The following SRBD1 variants were observed in gnomAD, a reference collection of about 807,000 sequenced individuals.
SRBD1 encodes the protein S1 RNA binding domain 1, also known as S1 RNA-binding domain-containing protein 1.
Under a neutral mutation model 115.3 loss-of-function variants are expected in SRBD1, and 88 were observed. The ratio of observed to expected loss-of-function variants is 0.76; its 90% CI spans 0.64 to 0.91. The LOEUF (loss-of-function observed/expected upper bound fraction) is 0.91. SRBD1 is among the 40% of genes least tolerant of loss of function. The pLI is 0.00. For synonymous variants in SRBD1, 509 were observed against 407.7 expected (o/e 1.25, Z -2.99); for missense variants, 1,385 against 1,177.4 (o/e 1.18, Z -2.58).
chr2:45,503,648 A>G (rs369427462), intron 14 of SRBD1, among the ~76,000 whole-genome samples: 4 of 152,236 alleles, frequency 2.6e-5, no homozygotes, highest in Admixed American at 6.5e-5. Context: ...GACGGCAGCT[A>G]AAGTTCAAAT....
At chr2:45,530,816 C>G (rs1044846497) in intron 14 of SRBD1, among the ~76,000 whole-genome samples, 11 of 151,976 alleles carry the variant, frequency 7.2e-5, no homozygotes, top group African/African-American at 2.4e-4. Context: ...TCTACTTTGC[C>G]TATGTCAACA....
chr2:45,537,478 A>C (rs56352438), intron 14 of SRBD1, among the ~76,000 whole-genome samples: 78,384 of 151,926 alleles, frequency 0.52, 20,663 homozygotes, highest in African/African-American at 0.55. Context: ...CTGTGCCTGT[A>C]ACATAGTCTT....
At chr2:45,536,765 T>C (rs1572747209) in intron 14 of SRBD1, among the ~76,000 whole-genome samples, 1 of 152,160 alleles carries the variant, frequency 6.6e-6, no homozygotes, top group East Asian at 1.9e-4. Flanking sequence ...CTTCAGAGGA[T>C]CTTTTGCAAT....
At chr2:45,414,468 GTATA>G (rs760326980) in intron 18 of SRBD1, among the ~76,000 whole-genome samples, 2 of 145,184 alleles carry the variant, frequency 1.4e-5, no homozygotes, top group Non-Finnish European at 1.5e-5. Flanking sequence ...TGTATAGTGT[GTATA>G]TAGTGTGTGT....
chr2:45,609,467 T>C (rs1209249904), intron 1 of SRBD1, among the ~76,000 whole-genome samples: 1 of 152,194 alleles, frequency 6.6e-6, no homozygotes, highest in Non-Finnish European at 1.5e-5. Flanking sequence ...TCTCCACTTA[T>C]CAACTCAAGA....
chr2:45,608,964 C>T (rs1048082031), intron 1 of SRBD1, among the ~76,000 whole-genome samples: 1 of 152,160 alleles, frequency 6.6e-6, no homozygotes, highest in South Asian at 2.1e-4. Flanking sequence ...TGTACCACCA[C>T]ACCCAGCTAA....
chr2:45,407,447 G>T (rs1363352112), intron 19 of SRBD1, among the ~76,000 whole-genome samples: 2 of 152,010 alleles, frequency 1.3e-5, no homozygotes, highest in African/African-American at 4.8e-5. Flanking sequence ...CTTCACAAAG[G>T]GTACTTTCTA....
At chr2:45,496,380 G>A (rs1429736223) in intron 14 of SRBD1, among the ~76,000 whole-genome samples, 1 of 151,046 alleles carries the variant, frequency 6.6e-6, no homozygotes, top group Non-Finnish European at 1.5e-5. Flanking sequence ...CAATAATACT[G>A]ACTATTAAAA....
At chr2:45,493,251 C>T (rs1486167118) in intron 14 of SRBD1, among the ~76,000 whole-genome samples, 1 of 152,100 alleles carries the variant, frequency 6.6e-6, no homozygotes, top group Non-Finnish European at 1.5e-5. Context: ...TAATACAAAG[C>T]ACTAAAAACA....
At chr2:45,428,483 G>A (rs1028823666) in intron 16 of SRBD1, among the ~76,000 whole-genome samples, 30 of 152,010 alleles carry the variant, frequency 2.0e-4, no homozygotes, top group African/African-American at 4.1e-4. Context: ...CCCGGGAGGC[G>A]GAGCTTGCAG....
intron 16 of SRBD1, among the ~76,000 whole-genome samples, chr2:45,434,802 G>C (rs1323703579): frequency 6.7e-6 from 1 of 150,034 alleles, no homozygotes; most frequent in Non-Finnish European, 1.5e-5. Context: ...TTAAGTTCTT[G>C]GGCACATGTG....
chr2:45,550,720 T>C (rs1672269191), intron 12 of SRBD1, among the ~76,000 whole-genome samples: 1 of 152,098 alleles, frequency 6.6e-6, no homozygotes, highest in African/African-American at 2.4e-5. Context: ...AAATGAAGAA[T>C]ATCAGTGTAA....
chr2:45,451,888 A>C (rs755117593), intron 16 of SRBD1, among the ~76,000 whole-genome samples: 2 of 151,698 alleles, frequency 1.3e-5, no homozygotes, highest in Non-Finnish European at 2.9e-5. Flanking sequence ...TCTTTTACAT[A>C]AATGAGAGGT....
At chr2:45,470,619 A>T (rs1391302882) in intron 16 of SRBD1, among the ~76,000 whole-genome samples, 1 of 152,184 alleles carries the variant, frequency 6.6e-6, no homozygotes, top group Non-Finnish European at 1.5e-5. Flanking sequence ...AATCCAATGT[A>T]TTTAAGTTGA....
chr2:45,488,197 A>T (rs921292410), intron 15 of SRBD1, 43 bp downstream of exon 15: 2 of 1,562,372 alleles, frequency 1.3e-6, no homozygotes, highest in Non-Finnish European at 8.8e-7. Flanking sequence ...GCTGCCCAAA[A>T]TATCAAAATC....
At chr2:45,525,607 T>C (rs770145356) in intron 14 of SRBD1, among the ~76,000 whole-genome samples, 3 of 151,994 alleles carry the variant, frequency 2.0e-5, no homozygotes, top group Non-Finnish European at 4.4e-5. Flanking sequence ...TATAAAAATA[T>C]GTGGGGTAAT....
rs143134906 is a variant in SRBD1, at chr2:45,461,111, A to C, written c.2049+15882T>G. On this transcript the variant is annotated intron_variant, in intron 16 of 20. Coordinates refer to ENST00000263736, the MANE Select transcript of SRBD1 (RefSeq NM_018079.5). ...ATAATGTATCTCCTGGACTTTGTCA[A>C]CTCTCCTGGGGAAGTGTTATGAAGG... Among the ~76,000 whole-genome samples the C allele has an allele frequency of 5.1e-3, 776 of 152,304 alleles. 2 individuals carry two copies. The highest frequency in any genetic ancestry group is 0.011 in the African/African-American group (453 of 41,574).
At chr2:45,400,472 A>G (rs1667263593) in intron 19 of SRBD1, among the ~76,000 whole-genome samples, 1 of 152,180 alleles carries the variant, frequency 6.6e-6, no homozygotes, top group African/African-American at 2.4e-5. Flanking sequence ...TTGCTCCAGA[A>G]ACACAGGAGA....
At chr2:45,586,814 T>C (rs1673539419) in intron 4 of SRBD1, among the ~76,000 whole-genome samples, 2 of 151,560 alleles carry the variant, frequency 1.3e-5, no homozygotes, top group African/African-American at 4.8e-5. Context: ...CCGAAAGTGC[T>C]GGGATTACTG....
Sources: allele counts gnomAD v4.1 joint callset (sites outside exome capture counted in the v4.1 genomes callset), GRCh38; gene constraint gnomAD v4.1.1; transcripts MANE v1.5; gene names NCBI Gene and HGNC (gene_info 2026-07-23, HGNC 2026-07-21).